Variants in CDH12 observed in about 807,000 individuals in gnomAD.
CDH12 encodes the protein cadherin 12.
CDH12 carries 41 observed loss-of-function variants against 74.1 expected under a neutral mutation model. The ratio of observed to expected loss-of-function variants is 0.55; its 90% CI spans 0.43 to 0.72. The LOEUF (loss-of-function observed/expected upper bound fraction) is 0.72. Among genes scored for constraint, CDH12 ranks in the 30% least tolerant of loss-of-function variants. The pLI, the probability that CDH12 is intolerant of heterozygous loss-of-function variation, is 0.00. For synonymous variants in CDH12, 399 were observed against 355.0 expected, an observed-to-expected ratio of 1.12 and a Z score of -1.39; for missense variants, 945 against 977.2, an observed-to-expected ratio of 0.97 and a Z score of 0.44.
At chr5:21,924,266 G>A (rs1005586046) in intron 6 of CDH12, among the ~76,000 whole-genome samples, 13 of 152,178 alleles carry the variant, frequency 8.5e-5, no homozygotes, top group Middle Eastern at 3.2e-3. Context: ...GGTGGTTCAC[G>A]CCTGTAATCC....
chr5:22,270,316 C>T (rs115666378), intron 3 of CDH12, among the ~76,000 whole-genome samples: 2,941 of 152,178 alleles, frequency 0.019, 94 homozygotes, highest in African/African-American at 0.065. Context: ...TTTATTTTGG[C>T]TGGACACAGT....
intron 1 of CDH12, among the ~76,000 whole-genome samples, chr5:22,755,336 T>C (rs1423272565): frequency 6.6e-6 from 1 of 152,194 alleles, no homozygotes; most frequent in Non-Finnish European, 1.5e-5. Flanking sequence ...TTATATCATG[T>C]TAGTTTCCTG....
chr5:22,500,823 C>T (rs917883503), intron 2 of CDH12, among the ~76,000 whole-genome samples: 2 of 152,122 alleles, frequency 1.3e-5, no homozygotes, highest in South Asian at 4.1e-4. Context: ...GGTTGTTCTG[C>T]CTGCTGCTTA....
At chr5:21,793,188 C>T (rs1579711871) in intron 10 of CDH12, among the ~76,000 whole-genome samples, 1 of 151,768 alleles carries the variant, frequency 6.6e-6, no homozygotes, top group East Asian at 1.9e-4. Context: ...CTCTAGACAG[C>T]ATCTATTTCT....
chr5:21,811,412 T>C (rs575380972), intron 9 of CDH12, among the ~76,000 whole-genome samples: 2 of 152,156 alleles, frequency 1.3e-5, no homozygotes, highest in East Asian at 3.9e-4. Flanking sequence ...TCTATAACCA[T>C]ATTTAGATTT....
rs189569198 is a variant in CDH12 at position 22,650,766 on chromosome 5, G to A, written c.-522-145402C>T. On this transcript the variant is annotated intron_variant, in intron 1 of 14. Transcript: ENST00000382254. Reference sequence around the variant, plus strand: ...CATGCTACCCATCACAGGGACACGTGTACAACATCAATATCAGAAACTACT... The same window carrying A: ...CATGCTACCCATCACAGGGACACGTATACAACATCAATATCAGAAACTACT... Among the ~76,000 whole-genome samples the A allele has an allele frequency of 7.2e-5, 11 of 152,068 alleles. No homozygotes were observed. The East Asian group carries it at 1.4e-3, about 19-fold the overall frequency.
chr5:21,756,572 TC>T (rs1189791909), intron 13 of CDH12, among the ~76,000 whole-genome samples: 1 of 152,178 alleles, frequency 6.6e-6, no homozygotes, highest in Admixed American at 6.5e-5. Flanking sequence ...AATTAATACT[TC>T]TATTGAAAGT....
chr5:22,428,617 T>C (rs1384823625), intron 2 of CDH12, among the ~76,000 whole-genome samples: 1 of 152,178 alleles, frequency 6.6e-6, no homozygotes, highest in African/African-American at 2.4e-5. Flanking sequence ...ATAGGTTTCC[T>C]GTTAGTTTGA....
intron 11 of CDH12, among the ~76,000 whole-genome samples, chr5:21,781,934 T>C (rs1350114478): frequency 6.6e-6 from 1 of 152,216 alleles, no homozygotes; most frequent in East Asian, 1.9e-4. Flanking sequence ...TAGTTACTTT[T>C]AATAAATGTG....
intron 5 of CDH12, among the ~76,000 whole-genome samples, chr5:22,066,504 A>G (rs1214925256): frequency 2.0e-5 from 3 of 152,186 alleles, no homozygotes; most frequent in Non-Finnish European, 2.9e-5. Flanking sequence ...CAGCGGACCA[A>G]TGAAGTTCAG....
At chr5:21,815,973 T>G (rs1466572564) in intron 9 of CDH12, among the ~76,000 whole-genome samples, 1 of 152,228 alleles carries the variant, frequency 6.6e-6, no homozygotes, top group African/African-American at 2.4e-5. Flanking sequence ...CAGGCCTAAT[T>G]GTTCAACATA....
At chr5:22,820,813 G>A (rs1749658715) in intron 1 of CDH12, among the ~76,000 whole-genome samples, 1 of 152,088 alleles carries the variant, frequency 6.6e-6, no homozygotes, top group Admixed American at 6.6e-5. Context: ...GTACAAGGAG[G>A]AACCGGTACC....
At chr5:22,499,469 A>G (rs1397476782) in intron 2 of CDH12, among the ~76,000 whole-genome samples, 3 of 152,154 alleles carry the variant, frequency 2.0e-5, no homozygotes, top group Non-Finnish European at 4.4e-5. Context: ...GGAATGCAGC[A>G]CAGTCTTGTT....
At chr5:21,843,238 T>G (rs1272330484) in intron 7 of CDH12, among the ~76,000 whole-genome samples, 1 of 152,166 alleles carries the variant, frequency 6.6e-6, no homozygotes, top group South Asian at 2.1e-4. Flanking sequence ...ATAGTGTTGT[T>G]TCTTCCTTTA....
chr5:22,137,404 C>T (rs930937489), intron 4 of CDH12, among the ~76,000 whole-genome samples: 1 of 152,006 alleles, frequency 6.6e-6, no homozygotes, highest in Non-Finnish European at 1.5e-5. Flanking sequence ...GATAGTCTCT[C>T]TCCCTCTCTC....
intron 1 of CDH12, among the ~76,000 whole-genome samples, chr5:22,761,930 A>AACAC (rs10662625): frequency 0.042 from 6,270 of 149,050 alleles, 285 homozygotes; most frequent in African/African-American, 0.12. Flanking sequence ...TAATTTCTCA[A>AACAC]ACACACACAC....
chr5:22,071,183 T>A (rs1056142414), intron 5 of CDH12, among the ~76,000 whole-genome samples: 3 of 152,036 alleles, frequency 2.0e-5, no homozygotes, highest in Non-Finnish European at 4.4e-5. Flanking sequence ...AAATTAAAAA[T>A]AAATAAATAA....
intron 6 of CDH12, among the ~76,000 whole-genome samples, chr5:21,967,973 C>G (rs1756662873): frequency 6.6e-6 from 1 of 152,158 alleles, no homozygotes; most frequent in Non-Finnish European, 1.5e-5. Flanking sequence ...AAATCAACGG[C>G]TTGTCTCCAC....
At chr5:22,472,269 G>T (rs1356699298) in intron 2 of CDH12, among the ~76,000 whole-genome samples, 1 of 152,114 alleles carries the variant, frequency 6.6e-6, no homozygotes, top group East Asian at 1.9e-4. Flanking sequence ...AGAGAAGCCT[G>T]ACTAAACTTT....
Sources: allele counts gnomAD v4.1 joint callset (sites outside exome capture counted in the v4.1 genomes callset), GRCh38; gene constraint gnomAD v4.1.1; transcripts MANE v1.5; gene names NCBI Gene and HGNC (gene_info 2026-07-23, HGNC 2026-07-21).